KCTD8: variants seen among roughly 807,000 people sequenced by gnomAD.
KCTD8 encodes the protein potassium channel tetramerization domain containing 8, also known as BTB/POZ domain-containing protein KCTD8.
KCTD8 carries 27 observed loss-of-function variants against 31.5 expected under a neutral mutation model. The ratio of observed to expected loss-of-function variants is 0.86; its 90% CI spans 0.63 to 1.18. The LOEUF is 1.18. KCTD8 is among the 50% of genes most tolerant of loss of function. The pLI is 0.00. For missense variants in KCTD8, 658 were observed against 647.7 expected (o/e 1.02, Z -0.17); for synonymous variants, 290 against 280.0 (o/e 1.04, Z -0.36).
At chr4:44,209,073 CA>C (rs1245303150) in intron 1 of KCTD8, among the ~76,000 whole-genome samples, 7 of 151,764 alleles carry the variant, frequency 4.6e-5, no homozygotes, top group South Asian at 2.1e-4. Context: ...AAGATTAGAA[CA>C]AAAAAATAAA....
intron 1 of KCTD8, among the ~76,000 whole-genome samples, chr4:44,225,828 T>TC (rs1430469216): frequency 1.4e-5 from 2 of 144,950 alleles, no homozygotes; most frequent in Non-Finnish European, 3.0e-5. Flanking sequence ...TTTTTTTTTT[T>TC]TTTTTTTTTC....
intron 1 of KCTD8, among the ~76,000 whole-genome samples, chr4:44,393,910 T>C (rs1237456399): frequency 1.3e-5 from 2 of 151,818 alleles, no homozygotes; most frequent in African/African-American, 2.4e-5. Context: ...TAAAAGTAAA[T>C]AGTATTTAGT....
intron 1 of KCTD8, among the ~76,000 whole-genome samples, chr4:44,287,336 A>C (rs1476284609): frequency 1.3e-5 from 2 of 152,200 alleles, no homozygotes; most frequent in Admixed American, 1.3e-4. Context: ...TGTGCTATAA[A>C]ATGAATTATT....
In KCTD8 at chr4:44,333,709, T is replaced by G. The variant is rs373097027; in HGVS notation, c.961+113854A>C. ...GATGACCTAGGAGCTGAGCTAAGAA[T>G]GTGATGTTGTATTGAGGTGAATGAG... On this transcript the variant is annotated intron_variant, in intron 1 of 1. Transcript: ENST00000360029. Among the ~76,000 whole-genome samples, 14 of 152,114 alleles carry G rather than the reference T, an allele frequency of 9.2e-5. No homozygotes were observed. In the East Asian group the frequency reaches 1.9e-3, roughly 21 times the overall value.
At chr4:44,300,871 C>A (rs990248789) in intron 1 of KCTD8, among the ~76,000 whole-genome samples, 1 of 122,886 alleles carries the variant, frequency 8.1e-6, no homozygotes, top group African/African-American at 3.0e-5. Context: ...CTCCCCTCCC[C>A]CCACCCCACA....
chr4:44,268,724 A>C (rs151280854), intron 1 of KCTD8, among the ~76,000 whole-genome samples: 9,309 of 152,236 alleles, frequency 0.061, 955 homozygotes, highest in African/African-American at 0.21. Context: ...ATGTACAAAA[A>C]TCACAAACGT....
chr4:44,274,502 T>C (rs1317809933), intron 1 of KCTD8, among the ~76,000 whole-genome samples: 3 of 151,882 alleles, frequency 2.0e-5, no homozygotes, highest in African/African-American at 4.8e-5. Context: ...AAGTGAAACA[T>C]CACATTATAC....
chr4:44,415,315 T>C (rs566215150), intron 1 of KCTD8, among the ~76,000 whole-genome samples: 93 of 152,154 alleles, frequency 6.1e-4, no homozygotes, highest in Non-Finnish European at 1.2e-3. Flanking sequence ...AAAAGAGAAG[T>C]AGAGCAAAAA....
chr4:44,334,945 A>T (rs1323791846), intron 1 of KCTD8, among the ~76,000 whole-genome samples: 2 of 152,160 alleles, frequency 1.3e-5, no homozygotes, highest in African/African-American at 4.8e-5. Flanking sequence ...ACTCACACAT[A>T]GTTGGCAAAT....
intron 1 of KCTD8, among the ~76,000 whole-genome samples, chr4:44,434,495 C>T (rs1721594772): frequency 1.3e-5 from 2 of 151,934 alleles, no homozygotes; most frequent in Middle Eastern, 3.4e-3. Flanking sequence ...TAAATGCAGC[C>T]CTGGTTTACT....
intron 1 of KCTD8, among the ~76,000 whole-genome samples, chr4:44,283,073 ATTG>A (rs1425643731): frequency 9.0e-4 from 119 of 131,506 alleles, no homozygotes; most frequent in Non-Finnish European, 1.7e-3. Flanking sequence ...TATTATTATT[ATTG>A]AGACAGAGTC....
chr4:44,233,310 A>T (rs1229384046), intron 1 of KCTD8, among the ~76,000 whole-genome samples: 1 of 152,160 alleles, frequency 6.6e-6, no homozygotes, highest in East Asian at 1.9e-4. Context: ...ATTTTATTAA[A>T]GATCAGTTCT....
chr4:44,311,194 C>T (rs987601554), intron 1 of KCTD8, among the ~76,000 whole-genome samples: 3 of 151,954 alleles, frequency 2.0e-5, no homozygotes, highest in Admixed American at 2.0e-4. Flanking sequence ...TCTTCTCTTC[C>T]AAAATTTTCA....
intron 1 of KCTD8, among the ~76,000 whole-genome samples, chr4:44,310,431 A>C (rs1488707733): frequency 3.3e-5 from 5 of 152,108 alleles, no homozygotes; most frequent in Non-Finnish European, 2.9e-5. Context: ...GAAAATAAAA[A>C]TACAGATTTT....
intron 1 of KCTD8, among the ~76,000 whole-genome samples, chr4:44,348,033 A>G (rs1171659954): frequency 6.6e-6 from 1 of 152,204 alleles, no homozygotes; most frequent in Non-Finnish European, 1.5e-5. Context: ...TACAAAAATT[A>G]TAGCCCAATT....
chr4:44,263,821 C>G (rs530734647), intron 1 of KCTD8, among the ~76,000 whole-genome samples: 2 of 152,140 alleles, frequency 1.3e-5, no homozygotes, highest in South Asian at 4.2e-4. Context: ...TTCAAATATC[C>G]AAAGGCAGCT....
At chr4:44,412,846 TTC>T (rs1255909455) in intron 1 of KCTD8, among the ~76,000 whole-genome samples, 3 of 152,194 alleles carry the variant, frequency 2.0e-5, no homozygotes, top group Non-Finnish European at 4.4e-5. Context: ...TGGGCTATTC[TTC>T]TGAGACTTTG....
intron 1 of KCTD8, among the ~76,000 whole-genome samples, chr4:44,362,092 G>T (rs116540109): frequency 1.6e-3 from 236 of 152,156 alleles, no homozygotes; most frequent in African/African-American, 5.0e-3. Context: ...AAAAATTCCA[G>T]GCAGCAGAAA....
chr4:44,265,115 CT>C (rs1162860984), intron 1 of KCTD8, among the ~76,000 whole-genome samples: 1 of 152,170 alleles, frequency 6.6e-6, no homozygotes, highest in Non-Finnish European at 1.5e-5. Context: ...CTCCTGACCC[CT>C]GAGCAGACTA....
Sources: allele counts gnomAD v4.1 joint callset (sites outside exome capture counted in the v4.1 genomes callset), GRCh38; gene constraint gnomAD v4.1.1; transcripts MANE v1.5; gene names NCBI Gene and HGNC (gene_info 2026-07-23, HGNC 2026-07-21).